The following TTBK2 variants were observed in gnomAD, a reference collection of about 807,000 sequenced individuals.
The protein encoded by TTBK2 is tau-tubulin kinase 2.
Under a neutral mutation model 110.8 loss-of-function variants are expected in TTBK2, and 28 were observed. That is an observed-to-expected ratio of 0.25 (90% CI 0.19 to 0.35). The LOEUF (loss-of-function observed/expected upper bound fraction) is 0.35, where lower values mean the gene tolerates loss of function less well. Ranked by LOEUF, TTBK2 falls within the 10% of genes least tolerant of loss-of-function variation. The pLI is 1.00. For missense variants in TTBK2, 1,369 were observed against 1,500.3 expected (o/e 0.91, Z 1.45); for synonymous variants, 532 against 527.3 (o/e 1.01, Z -0.12).
intron 14 of TTBK2, among the ~76,000 whole-genome samples, chr15:42,749,775 T>A (rs746709912): frequency 6.6e-6 from 1 of 152,222 alleles, no homozygotes; most frequent in Admixed American, 6.5e-5. Context: ...TAAAGACTTG[T>A]ATATTCAAAA....
chr15:42,831,978 T>C (rs1037965028), intron 4 of TTBK2, among the ~76,000 whole-genome samples: 5 of 152,202 alleles, frequency 3.3e-5, no homozygotes, highest in African/African-American at 1.2e-4. Flanking sequence ...AAATACGAAG[T>C]ACTCCTCAAG....
chr15:42,768,797 C>T (rs1364935085), intron 13 of TTBK2, among the ~76,000 whole-genome samples: 3 of 152,124 alleles, frequency 2.0e-5, no homozygotes, highest in Non-Finnish European at 4.4e-5. Flanking sequence ...GAGCCCGCAT[C>T]GCCAAGACAA....
At chr15:42,780,467 G>A in intron 11 of TTBK2, among the ~76,000 whole-genome samples, 1 of 151,664 alleles carries the variant, frequency 6.6e-6, no homozygotes. Context: ...TTAGGATATT[G>A]CTTAATTTTA....
At chr15:42,758,393 C>T (rs142205500) in intron 13 of TTBK2, among the ~76,000 whole-genome samples, 2,546 of 152,170 alleles carry the variant, frequency 0.017, 75 homozygotes, top group African/African-American at 0.056. Context: ...CGGTGGCTCA[C>T]GCCTGTAATC....
intron 1 of TTBK2, among the ~76,000 whole-genome samples, chr15:42,890,160 T>G (rs2141162069): frequency 6.6e-6 from 1 of 152,266 alleles, no homozygotes; most frequent in African/African-American, 2.4e-5. Flanking sequence ...ATGTACTTTG[T>G]GAGATCCACC....
At chr15:42,747,028 G>A (rs1023416177) in intron 14 of TTBK2, among the ~76,000 whole-genome samples, 2 of 150,100 alleles carry the variant, frequency 1.3e-5, no homozygotes, top group South Asian at 2.1e-4. Flanking sequence ...GCAGTGGGAT[G>A]ATCACAGCTC....
chr15:42,838,133 G>A (rs531357019), intron 4 of TTBK2, among the ~76,000 whole-genome samples: 63 of 151,860 alleles, frequency 4.1e-4, no homozygotes, highest in Non-Finnish European at 8.1e-4. Context: ...GCTTGAACCC[G>A]GGAGGCGGAG....
chr15:42,771,782 T>C (rs942867880), intron 13 of TTBK2, among the ~76,000 whole-genome samples: 2 of 152,162 alleles, frequency 1.3e-5, no homozygotes, highest in African/African-American at 4.8e-5. Flanking sequence ...TAGGAAAGTC[T>C]TTCAGTATGC....
chr15:42,776,880 T>A (rs1387588214), intron 12 of TTBK2, 151 bp downstream of exon 12: 2 of 695,086 alleles, frequency 2.9e-6, no homozygotes, highest in African/African-American at 3.6e-5. Context: ...GGATGAAAAT[T>A]GGAGCTGAAT....
Position 42,775,593 on chromosome 15 carries a change from C to A in TTBK2, c.1540G>T (p.Asp514Tyr), listed in dbSNP as rs775186980. ...IWHYDEEYLP[D>Y]ASKPASANTP... ...TTGGCAGAAGCAGGCTTGGAGGCAT[C>A]TGGAAGATATTCTTCATCATAGTGC... The change falls in exon 13 of 15, where the codon GAT becomes TAT. Residue 514 changes from aspartate to tyrosine, a missense_variant. Asp to Tyr is a radical substitution (Grantham distance 160). Transcript: ENST00000267890. 13 of 1,613,992 alleles carry A rather than the reference C, an allele frequency of 8.1e-6. No homozygotes were observed. In the Admixed American group the frequency reaches 2.2e-4, roughly 27 times the overall value.
chr15:42,766,445 G>GAAAAAAAAAAAAAAAAAAAAAA (rs1424460257), intron 13 of TTBK2, among the ~76,000 whole-genome samples: 1 of 15,152 alleles, frequency 6.6e-5, no homozygotes, highest in Non-Finnish European at 1.0e-4. Flanking sequence ...CGAATGGAAA[G>GAAAAAAAAAAAAAAAAAAAAAA]CAAAAAAAAA....
In TTBK2 at chr15:42,752,545, G is replaced by A; in HGVS notation, c.2701C>T (p.His901Tyr). 6.2e-7 allele frequency: 1 copy of A among 1,614,038 alleles called. No homozygotes were observed. ...ATTTTCTCTCTCTTGCCCTCTTGGTGCAAAAAAGTAGAGAGGTCTCCTTGA... is the reference window on the plus strand; with the variant it reads ...ATTTTCTCTCTCTTGCCCTCTTGGTACAAAAAAGTAGAGAGGTCTCCTTGA... ...GHQGDLSTFLHQEGKREKITP... is the reference protein window; with the variant it reads ...GHQGDLSTFLYQEGKREKITP... The change falls in exon 14 of 15, where the codon CAC becomes TAC. Residue 901 changes from histidine to tyrosine, a missense_variant. Physicochemically the swap from His to Tyr is moderately conservative, Grantham distance 83. Around this residue, in one of 4 missense-constraint regions of TTBK2, gnomAD observed 1,097 missense variants for 1,114.7 expected, o/e 0.98. Coordinates refer to ENST00000267890, the MANE Select transcript of TTBK2 (RefSeq NM_173500.4).
At chr15:42,827,451 G>C (rs1339209383) in intron 6 of TTBK2, among the ~76,000 whole-genome samples, 1 of 152,184 alleles carries the variant, frequency 6.6e-6, no homozygotes, top group Non-Finnish European at 1.5e-5. Context: ...CTGCCTGTGA[G>C]AGTGACCAGA....
Position 42,920,491 on chromosome 15 carries a change from G to A in TTBK2, c.-121C>T, listed in dbSNP as rs1172907345. Reference sequence around the variant, plus strand: ...GGAGGAGGGCTCTGGTCCAGCTCAGGACCGGGACCGGCGGGGGTTAACCCT... The same window carrying A: ...GGAGGAGGGCTCTGGTCCAGCTCAGAACCGGGACCGGCGGGGGTTAACCCT... On this transcript the variant is annotated 5_prime_UTR_variant, in exon 1 of 15. Transcript: ENST00000267890. The A allele has an allele frequency of 6.6e-6, 1 of 152,516 alleles. No homozygotes were observed. Among genetic ancestry groups the A allele is most frequent in the Non-Finnish European group, 1.5e-5 (1 of 68,266 alleles). 9.4% of individuals were successfully genotyped at this position (152,516 alleles called of 1,614,324 possible).
At position 42,855,830 on chromosome 15, in the gene TTBK2, G is replaced by A. The variant is rs528046645; in HGVS notation, c.218-15397C>T. Among the ~76,000 whole-genome samples, 165 of 152,230 alleles carry A rather than the reference G, an allele frequency of 1.1e-3. 1 individual carries two copies. Among genetic ancestry groups the A allele is most frequent in the South Asian group, 6.8e-3 (33 of 4,822 alleles). ...CTCCCGAGCAGCTGGGACTACAGGC[G>A]CCCGCCACCTCGCCCGGCTAATTTT... On this transcript the variant is annotated intron_variant, in intron 3 of 14. Transcript: ENST00000267890.
intron 4 of TTBK2, among the ~76,000 whole-genome samples, chr15:42,834,200 G>A (rs1357826554): frequency 6.7e-6 from 1 of 150,368 alleles, no homozygotes; most frequent in Non-Finnish European, 1.5e-5. Context: ...AAAAAAAGGG[G>A]GGGGGTGTAT....
In TTBK2 at chr15:42,753,256, G is replaced by T. The variant is rs1272968578; in HGVS notation, c.1999-9C>A. 1 of 1,612,936 alleles carries T rather than the reference G, an allele frequency of 6.2e-7. No homozygotes were observed. Among genetic ancestry groups the T allele is most frequent in the Non-Finnish European group, 8.5e-7 (1 of 1,179,454 alleles). On this transcript the variant is annotated splice_polypyrimidine_tract_variant and intron_variant, in intron 13 of 14. Transcript: ENST00000267890. ...GGTCTAGGAATTGTAATCTGGAGAA[G>T]GGGAAGAAAAAATTAAAATGCAATT...
At chr15:42,778,985 T>C (rs149845011) in intron 11 of TTBK2, among the ~76,000 whole-genome samples, 86 of 151,956 alleles carry the variant, frequency 5.7e-4, no homozygotes, top group African/African-American at 2.0e-3. Flanking sequence ...GAACAAGAAC[T>C]AAAAAGTAGC....
Position 42,752,543 on chromosome 15 carries a change from G to C in TTBK2, c.2703C>G (p.His901Gln). The C allele has an allele frequency of 1.2e-6, 2 of 1,613,992 alleles. No individual in the cohort carries two copies. The highest frequency in any genetic ancestry group is 1.1e-5 in the South Asian group (1 of 91,070). Residue 901 changes from histidine (H) to glutamine (Q), a missense_variant, in exon 14 of 15, where the codon CAC becomes CAG. By Grantham distance (24) the His-to-Gln change is conservative (BLOSUM62 0). Coordinates refer to ENST00000267890, the MANE Select transcript of TTBK2 (RefSeq NM_173500.4). Reference protein sequence around the residue: ...GHQGDLSTFLHQEGKREKITP... With the variant: ...GHQGDLSTFLQQEGKREKITP... Reference sequence around the variant, plus strand: ...TGATTTTCTCTCTCTTGCCCTCTTGGTGCAAAAAAGTAGAGAGGTCTCCTT... The same window carrying C: ...TGATTTTCTCTCTCTTGCCCTCTTGCTGCAAAAAAGTAGAGAGGTCTCCTT...
Sources: gnomAD v4.1 joint callset for allele counts (sites outside exome capture counted in the v4.1 genomes callset) on GRCh38, gnomAD v4.1.1 for gene constraint, gnomAD v4.1.1 regional missense constraint, MANE v1.5 for transcripts, NCBI Gene and HGNC (gene_info 2026-07-23, HGNC 2026-07-21) for gene names.